Variants in PPP2R5E observed in about 807,000 individuals in gnomAD.
The protein encoded by PPP2R5E is serine/threonine-protein phosphatase 2A 56 kDa regulatory subunit epsilon isoform.
A neutral mutation model predicts 65.3 loss-of-function variants in PPP2R5E; 4 were observed. That is an observed-to-expected ratio of 0.06 (90% CI 0.03 to 0.14). The LOEUF (loss-of-function observed/expected upper bound fraction) is 0.14. PPP2R5E is among the 10% of genes least tolerant of loss of function. PPP2R5E has a pLI of 1.00. For missense variants in PPP2R5E, 274 were observed against 556.1 expected, an observed-to-expected ratio of 0.49 and a Z score of 5.10; for synonymous variants, 183 against 187.4, an observed-to-expected ratio of 0.98 and a Z score of 0.19.
intron 11 of PPP2R5E, among the ~76,000 whole-genome samples, chr14:63,388,788 T>C (rs545674123): frequency 1.3e-5 from 2 of 152,350 alleles, no homozygotes; most frequent in South Asian, 2.1e-4. Context: ...CGCCATCAAA[T>C]GACACCGTTA....
chr14:63,522,459 G>A (rs1261027274), intron 2 of PPP2R5E, among the ~76,000 whole-genome samples: 2 of 150,706 alleles, frequency 1.3e-5, no homozygotes, highest in Non-Finnish European at 3.0e-5. Flanking sequence ...GGAAAGTGAG[G>A]AGCGTCTCTG....
chr14:63,479,137 A>C (rs1890565560), intron 2 of PPP2R5E: 1 of 152,196 alleles, frequency 6.6e-6, no homozygotes, highest in South Asian at 2.1e-4. Flanking sequence ...AAAAAAAGAA[A>C]GAAAGAAAAA....
At chr14:63,437,827 C>T (rs1888018854) in intron 3 of PPP2R5E, among the ~76,000 whole-genome samples, 1 of 152,128 alleles carries the variant, frequency 6.6e-6, no homozygotes, top group Admixed American at 6.5e-5. Flanking sequence ...ACTTGCTCTC[C>T]AACTTAGCAA....
intron 3 of PPP2R5E, among the ~76,000 whole-genome samples, chr14:63,442,789 G>C (rs1423150437): frequency 6.6e-6 from 1 of 152,114 alleles, no homozygotes; most frequent in East Asian, 1.9e-4. Context: ...GGCATCCCTG[G>C]GGTCTTGTAA....
intron 4 of PPP2R5E, among the ~76,000 whole-genome samples, chr14:63,418,552 T>C (rs1886825381): frequency 6.6e-6 from 1 of 152,170 alleles, no homozygotes; most frequent in Admixed American, 6.5e-5. Context: ...ATAAATGAAT[T>C]CTCCAAGGAA....
At chr14:63,532,057 T>C (rs1216618557) in intron 2 of PPP2R5E, among the ~76,000 whole-genome samples, 2 of 152,160 alleles carry the variant, frequency 1.3e-5, no homozygotes, top group Non-Finnish European at 2.9e-5. Flanking sequence ...AAGTCAGATA[T>C]CCCTTTGAGA....
intron 2 of PPP2R5E, among the ~76,000 whole-genome samples, chr14:63,521,735 A>C (rs1892914765): frequency 6.6e-6 from 1 of 152,156 alleles, no homozygotes; most frequent in African/African-American, 2.4e-5. Context: ...GATGTATAGA[A>C]CACCTCACAG....
chr14:63,394,096 T>G (rs1885191648), intron 7 of PPP2R5E, among the ~76,000 whole-genome samples, 168 bp from the exon 8 acceptor site: 1 of 121,392 alleles, frequency 8.2e-6, no homozygotes, highest in African/African-American at 4.0e-5. Flanking sequence ...TTTTTTTTTT[T>G]GAGACAGAGT....
intron 2 of PPP2R5E, among the ~76,000 whole-genome samples, chr14:63,487,246 G>C (rs537269897): frequency 6.6e-6 from 1 of 152,236 alleles, no homozygotes; most frequent in East Asian, 1.9e-4. Flanking sequence ...CATATTACTT[G>C]AAAGTGAAAA....
At chr14:63,457,478 G>A (rs1194979657) in intron 2 of PPP2R5E, among the ~76,000 whole-genome samples, 1 of 152,016 alleles carries the variant, frequency 6.6e-6, no homozygotes, top group East Asian at 1.9e-4. Context: ...CAAGTCACCT[G>A]GAAATCTAAA....
chr14:63,410,138 T>C (rs1886317536), intron 5 of PPP2R5E, among the ~76,000 whole-genome samples: 1 of 152,170 alleles, frequency 6.6e-6, no homozygotes. Context: ...TAAGTTGAAA[T>C]CTCATGGATA....
intron 3 of PPP2R5E, 94 bp downstream of exon 3, chr14:63,453,595 T>A: frequency 8.2e-7 from 1 of 1,221,774 alleles, no homozygotes. Context: ...ATTTGTGGAG[T>A]TGACCTCCAA....
At chr14:63,422,183 G>C in intron 3 of PPP2R5E, 89 bp from the exon 4 acceptor site, 1 of 1,018,550 alleles carries the variant, frequency 9.8e-7, no homozygotes, top group Non-Finnish European at 1.5e-6. Context: ...GGGGAACCCA[G>C]ATAACAATGC....
intron 12 of PPP2R5E, among the ~76,000 whole-genome samples, chr14:63,383,833 G>A (rs931402331): frequency 6.6e-6 from 1 of 152,014 alleles, no homozygotes; most frequent in African/African-American, 2.4e-5. Context: ...TACATATAGC[G>A]ACTGAGTTGG....
At chr14:63,400,878 T>C (rs1300235234) in intron 5 of PPP2R5E, among the ~76,000 whole-genome samples, 2 of 152,156 alleles carry the variant, frequency 1.3e-5, no homozygotes, top group African/African-American at 4.8e-5. Context: ...TTTTAAGTGT[T>C]TCAAAAGGCT....
chr14:63,380,667 A>C (rs1457378050), intron 13 of PPP2R5E, among the ~76,000 whole-genome samples: 2 of 150,768 alleles, frequency 1.3e-5, no homozygotes, highest in Non-Finnish European at 2.9e-5. Flanking sequence ...ATCTCAAAAA[A>C]CAAAAAAAAA....
At chr14:63,464,838 C>T (rs559932504) in intron 2 of PPP2R5E, among the ~76,000 whole-genome samples, 8 of 152,130 alleles carry the variant, frequency 5.3e-5, no homozygotes, top group Non-Finnish European at 1.5e-5. Flanking sequence ...GCCTGGCCAA[C>T]ATGGTGAAAC....
intron 5 of PPP2R5E, among the ~76,000 whole-genome samples, chr14:63,400,788 C>G (rs1594832256): frequency 6.6e-6 from 1 of 151,632 alleles, no homozygotes; most frequent in Non-Finnish European, 1.5e-5. Flanking sequence ...CTACCCAATC[C>G]ACCCATCCAC....
chr14:63,462,385 T>C (rs1889531628), intron 2 of PPP2R5E, among the ~76,000 whole-genome samples: 1 of 152,118 alleles, frequency 6.6e-6, no homozygotes, highest in Non-Finnish European at 1.5e-5. Flanking sequence ...CTGTAGATCA[T>C]CATAAAAGCT....
Sources: gnomAD v4.1 joint callset for allele counts (sites outside exome capture counted in the v4.1 genomes callset) on GRCh38, gnomAD v4.1.1 for gene constraint, MANE v1.5 for transcripts, NCBI Gene and HGNC (gene_info 2026-07-23, HGNC 2026-07-21) for gene names.